The following GNB5 variants were observed in gnomAD, a reference collection of about 807,000 sequenced individuals.
GNB5 encodes the protein G protein subunit beta 5, also known as guanine nucleotide-binding protein subunit beta-5.
Under a neutral mutation model 55.3 loss-of-function variants are expected in GNB5, and 37 were observed. The observed-to-expected ratio is 0.67, with a 90% CI of 0.51 to 0.88. GNB5 has a LOEUF of 0.88. Among genes scored for constraint, GNB5 ranks in the 40% least tolerant of loss-of-function variants. The probability of loss-of-function intolerance (pLI) is 0.00; values close to 1 mark genes in which losing one functional copy is unlikely to be tolerated. For synonymous variants in GNB5, 219 were observed against 198.5 expected (o/e 1.10, Z -0.87); for missense variants, 476 against 515.3 (o/e 0.92, Z 0.74).
In GNB5 at chr15:52,171,968, T is replaced by C. The variant is rs866637952; in HGVS notation, c.238+7800A>G. ...AGCATCTGCCTCAAGGACCTGGGAA[T>C]TGGAGTAAAGCTCCCACACAGCCCC... On this transcript the variant is annotated intron_variant, in intron 3 of 12. Transcript: ENST00000261837. Among the ~76,000 whole-genome samples the C allele has an allele frequency of 6.1e-4, 93 of 152,336 alleles. No homozygotes were observed. In the Middle Eastern group the frequency reaches 0.01, roughly 17 times the overall value.
intron 3 of GNB5, among the ~76,000 whole-genome samples, chr15:52,165,275 TA>T (rs1226220768): frequency 6.6e-6 from 1 of 152,078 alleles, no homozygotes; most frequent in Non-Finnish European, 1.5e-5. Context: ...TGGAACAAGC[TA>T]AAAAACATAC....
chr15:52,133,007 T>A (rs1174433062), intron 9 of GNB5, among the ~76,000 whole-genome samples: 2 of 152,150 alleles, frequency 1.3e-5, no homozygotes, highest in Non-Finnish European at 2.9e-5. Flanking sequence ...TATCTGAAAT[T>A]GTATATTTGT....
chr15:52,147,164 TTG>T, intron 6 of GNB5: 2 of 256,668 alleles, frequency 7.8e-6, no homozygotes, highest in Non-Finnish European at 1.5e-5. Context: ...TTTTATGGTT[TTG>T]TTTTTTTTTT....
At chr15:52,157,072 A>G (rs1430921027) in intron 3 of GNB5, among the ~76,000 whole-genome samples, 1 of 150,414 alleles carries the variant, frequency 6.6e-6, no homozygotes, top group Non-Finnish European at 1.5e-5. Flanking sequence ...AGTAGCTAGG[A>G]CTACAGGCGC....
chr15:52,150,511 ATGT>A (rs879660880), intron 4 of GNB5, among the ~76,000 whole-genome samples: 25 of 152,106 alleles, frequency 1.6e-4, no homozygotes, highest in Non-Finnish European at 3.2e-4. Flanking sequence ...GTGCTCACAG[ATGT>A]CACAGCTCCA....
At position 52,124,527 on chromosome 15, in the gene GNB5, T is replaced by A. The variant is rs1427872906; in HGVS notation, c.1122A>T (p.Arg374=). Residue 374 remains arginine, a synonymous_variant, in exon 12 of 13, where the codon CGA becomes CGT. Coordinates refer to ENST00000261837, the MANE Select transcript of GNB5 (RefSeq NM_016194.4). ...FGHENRVSTL[R]VSPDGTAFCS... ...AGAAAGCAGTCCCATCGGGGGAAACTCGTAGAGTGCTAACGCGGTTTTCAT... is the reference window on the plus strand; with the variant it reads ...AGAAAGCAGTCCCATCGGGGGAAACACGTAGAGTGCTAACGCGGTTTTCAT... 1.9e-6 allele frequency: 3 copies of A among 1,613,858 alleles called. No individual in the cohort carries two copies. The highest frequency in any genetic ancestry group is 2.5e-6 in the Non-Finnish European group (3 of 1,179,808).
At chr15:52,170,414 G>A (rs2034534484) in intron 3 of GNB5, among the ~76,000 whole-genome samples, 1 of 152,134 alleles carries the variant, frequency 6.6e-6, no homozygotes, top group Non-Finnish European at 1.5e-5. Context: ...CCTTTGCAGG[G>A]ACATGGAAGC....
At chr15:52,126,147 A>T in intron 10 of GNB5, 103 bp from the exon 11 acceptor site, 1 of 629,506 alleles carries the variant, frequency 1.6e-6, no homozygotes, top group Non-Finnish European at 2.9e-6. Context: ...GTAGTTTAAA[A>T]GATGAAGGAA....
intron 1 of GNB5, among the ~76,000 whole-genome samples, chr15:52,190,918 A>T (rs908553861): frequency 6.6e-6 from 1 of 152,182 alleles, no homozygotes; most frequent in Non-Finnish European, 1.5e-5. Context: ...AGAATAAAAA[A>T]TAACTGATAC....
At position 52,122,539 on chromosome 15, in the gene GNB5, A is replaced by T. The variant is rs1201807339; in HGVS notation, c.*218T>A. ...AAGTGTTCCAAAAGAAAAATACTGT[A>T]CTTGAAGGTATTCTCGCAGTGCTGA... On this transcript the variant is annotated 3_prime_UTR_variant, in exon 13 of 13. Transcript: ENST00000261837. The T allele has an allele frequency of 1.9e-6, 1 of 537,830 alleles. No homozygotes were observed. The highest frequency in any genetic ancestry group is 3.3e-6 in the Non-Finnish European group (1 of 304,396). 33.3% of individuals were successfully genotyped at this position (537,830 alleles called of 1,614,324 possible). A position where few individuals can be genotyped will look rare whatever the true frequency, so the allele number is the denominator to read the frequency against.
intron 9 of GNB5, among the ~76,000 whole-genome samples, chr15:52,131,165 G>C (rs2033564607): frequency 6.6e-6 from 1 of 152,148 alleles, no homozygotes; most frequent in Non-Finnish European, 1.5e-5. Flanking sequence ...GCCCTCCATA[G>C]CCATGGATTC....
intron 7 of GNB5, chr15:52,140,083 G>A (rs1432965929): frequency 5.1e-6 from 3 of 593,716 alleles, no homozygotes; most frequent in African/African-American, 4.0e-5. Flanking sequence ...GTAAACAACA[G>A]GGGCACAATG....
intron 3 of GNB5, among the ~76,000 whole-genome samples, chr15:52,162,107 T>C (rs770899070): frequency 1.3e-5 from 2 of 152,104 alleles, no homozygotes; most frequent in Non-Finnish European, 2.9e-5. Context: ...CAAGCCCCCT[T>C]GCTTCTCAGA....
At chr15:52,124,758 T>G in intron 11 of GNB5, 119 bp from the exon 12 acceptor site, 2 of 821,154 alleles carry the variant, frequency 2.4e-6, no homozygotes, top group Non-Finnish European at 4.0e-6. Context: ...TCCTAGGCAC[T>G]GTGCTTTGCC....
In GNB5 at chr15:52,155,886, A is replaced by C. The variant is rs116600529; in HGVS notation, c.239-1810T>G. Among the ~76,000 whole-genome samples, 1,188 of 152,264 alleles carry C rather than the reference A, an allele frequency of 7.8e-3. 11 individuals carry two copies. The highest frequency in any genetic ancestry group is 0.027 in the African/African-American group (1,132 of 41,542). Reference sequence around the variant, plus strand: ...GGAGAGTTACCATTTTATCTTTTGTAATGAAAAGTGTCTTGTTAGGGAGGT... The same window carrying C: ...GGAGAGTTACCATTTTATCTTTTGTCATGAAAAGTGTCTTGTTAGGGAGGT... On this transcript the variant is annotated intron_variant, in intron 3 of 12. Transcript: ENST00000261837.
At chr15:52,175,501 G>A (rs2034632888) in intron 3 of GNB5, among the ~76,000 whole-genome samples, 1 of 152,216 alleles carries the variant, frequency 6.6e-6, no homozygotes, top group South Asian at 2.1e-4. Flanking sequence ...CACTTTGGGA[G>A]GCTGAGGCGG....
chr15:52,133,535 C>G (rs2033631437), intron 8 of GNB5, 66 bp from the exon 9 acceptor site: 1 of 989,268 alleles, frequency 1.0e-6, no homozygotes, highest in African/African-American at 1.6e-5. Context: ...GGCACGAGTC[C>G]CAGTTATATA....
rs1221227750 is a variant in GNB5 at position 52,121,911 on chromosome 15, A to G, written c.*846T>C. On this transcript the variant is annotated 3_prime_UTR_variant, in exon 13 of 13. Coordinates refer to ENST00000261837, the MANE Select transcript of GNB5 (RefSeq NM_016194.4). ...CCGGCCATGAATATAATTTATATGG[A>G]CAAGATTCACTTTAACCTAAGTGTT... The G allele has an allele frequency of 6.6e-6, 1 of 152,198 alleles. No homozygotes were observed. Among genetic ancestry groups the G allele is most frequent in the African/African-American group, 2.4e-5 (1 of 41,452 alleles). The allele number at this position is 152,198 out of a possible 1,614,324, so 9.4% of individuals were successfully genotyped here.
At chr15:52,135,549 A>C (rs1596062873) in intron 8 of GNB5, 64 bp downstream of exon 8, 1 of 1,416,190 alleles carries the variant, frequency 7.1e-7, no homozygotes, top group East Asian at 2.3e-5. Flanking sequence ...AATGGACAAG[A>C]ACTGCCACCA....
Sources: allele counts gnomAD v4.1 joint callset (sites outside exome capture counted in the v4.1 genomes callset), GRCh38; gene constraint gnomAD v4.1.1; transcripts MANE v1.5; gene names NCBI Gene and HGNC (gene_info 2026-07-23, HGNC 2026-07-21).